The following SLC9A9 variants were observed in gnomAD, a reference collection of about 807,000 sequenced individuals.
The protein encoded by SLC9A9 is sodium/hydrogen exchanger 9.
In SLC9A9, 62 loss-of-function variants were observed where a neutral mutation model predicts 77.8. The observed-to-expected ratio is 0.80, with a 90% CI of 0.65 to 0.98. The LOEUF (loss-of-function observed/expected upper bound fraction) is 0.98, where lower values mean the gene tolerates loss of function less well. SLC9A9 is among the 50% of genes least tolerant of loss of function. The pLI is 0.00. For synonymous variants in SLC9A9, 320 were observed against 283.5 expected (o/e 1.13, Z -1.29); for missense variants, 775 against 774.9 (o/e 1.00, Z 0.00).
At chr3:143,462,188 G>C (rs2035205437) in intron 12 of SLC9A9, among the ~76,000 whole-genome samples, 1 of 152,132 alleles carries the variant, frequency 6.6e-6, no homozygotes, top group South Asian at 2.1e-4. Flanking sequence ...GCAATGTAAT[G>C]AGACCTCATC....
intron 11 of SLC9A9, among the ~76,000 whole-genome samples, chr3:143,481,574 AAGAG>A (rs879531699): frequency 2.0e-5 from 3 of 152,236 alleles, no homozygotes; most frequent in Non-Finnish European, 2.9e-5. Context: ...AAATGTATTG[AAGAG>A]AGAGGTTCAG....
intron 12 of SLC9A9, among the ~76,000 whole-genome samples, chr3:143,460,198 C>T (rs907511724): frequency 6.6e-6 from 1 of 152,118 alleles, no homozygotes. Context: ...GAAAACTCAC[C>T]ACCAGTTCAA....
At chr3:143,425,402 T>G (rs1219033878) in intron 12 of SLC9A9, among the ~76,000 whole-genome samples, 1 of 151,964 alleles carries the variant, frequency 6.6e-6, no homozygotes, top group African/African-American at 2.4e-5. Flanking sequence ...AATATATATG[T>G]ATGGTTTATT....
chr3:143,450,486 G>A (rs1456291315), intron 12 of SLC9A9, among the ~76,000 whole-genome samples: 1 of 151,776 alleles, frequency 6.6e-6, no homozygotes, highest in Non-Finnish European at 1.5e-5. Flanking sequence ...ATCTCTGTGT[G>A]AAAGGACTTC....
intron 5 of SLC9A9, among the ~76,000 whole-genome samples, chr3:143,686,121 A>T (rs1933255798): frequency 6.6e-6 from 1 of 152,144 alleles, no homozygotes; most frequent in Non-Finnish European, 1.5e-5. Context: ...TGGGATACTC[A>T]ACTACTTCAC....
chr3:143,436,185 G>A (rs2034618826), intron 12 of SLC9A9, among the ~76,000 whole-genome samples: 1 of 152,112 alleles, frequency 6.6e-6, no homozygotes, highest in African/African-American at 2.4e-5. Flanking sequence ...AAGTGGGCTT[G>A]AACCTCCACG....
At chr3:143,722,472 CAAAAAAA>C (rs60995925) in intron 4 of SLC9A9, among the ~76,000 whole-genome samples, 3 of 58,342 alleles carry the variant, frequency 5.1e-5, no homozygotes, top group East Asian at 8.2e-4. Context: ...GACTCCATCT[CAAAAAAA>C]AAAAAAAAAA....
At chr3:143,798,289 T>A (rs1250779392) in intron 2 of SLC9A9, among the ~76,000 whole-genome samples, 1 of 152,166 alleles carries the variant, frequency 6.6e-6, no homozygotes, top group Non-Finnish European at 1.5e-5. Context: ...AAGACAGTCT[T>A]CCCTTGGTGT....
intron 12 of SLC9A9, among the ~76,000 whole-genome samples, chr3:143,393,409 A>T (rs1263765504): frequency 6.6e-6 from 1 of 152,248 alleles, no homozygotes; most frequent in Non-Finnish European, 1.5e-5. Flanking sequence ...CAATGAGAAC[A>T]AAGACACAAC....
At chr3:143,345,453 A>G (rs2032235063) in intron 14 of SLC9A9, among the ~76,000 whole-genome samples, 1 of 152,160 alleles carries the variant, frequency 6.6e-6, no homozygotes, top group South Asian at 2.1e-4. Context: ...ATCAGAGGAG[A>G]ACTGAAAAAT....
intron 1 of SLC9A9, among the ~76,000 whole-genome samples, chr3:143,838,894 G>T (rs2009639052): frequency 6.6e-6 from 1 of 152,146 alleles, no homozygotes; most frequent in African/African-American, 2.4e-5. Flanking sequence ...GATTTTAACT[G>T]CATCTACAAA....
chr3:143,769,287 C>T (rs899406427), intron 4 of SLC9A9, among the ~76,000 whole-genome samples: 11 of 152,038 alleles, frequency 7.2e-5, no homozygotes, highest in Admixed American at 7.2e-4. Context: ...CGCCTGGGAC[C>T]CTGCTCTGGG....
At chr3:143,494,635 T>C (rs1167025246) in intron 10 of SLC9A9, among the ~76,000 whole-genome samples, 1 of 152,238 alleles carries the variant, frequency 6.6e-6, no homozygotes, top group Non-Finnish European at 1.5e-5. Context: ...AGGACAACAG[T>C]TGCTGACTGC....
intron 14 of SLC9A9, among the ~76,000 whole-genome samples, chr3:143,301,949 C>A (rs1559858801): frequency 6.6e-6 from 1 of 152,162 alleles, no homozygotes; most frequent in African/African-American, 2.4e-5. Flanking sequence ...CCTTGCAGAA[C>A]TGCAGAGTGG....
At chr3:143,700,900 G>A (rs1480147585) in intron 4 of SLC9A9, among the ~76,000 whole-genome samples, 1 of 152,224 alleles carries the variant, frequency 6.6e-6, no homozygotes, top group Non-Finnish European at 1.5e-5. Flanking sequence ...TTCCATTGGT[G>A]GTGGCCACAG....
chr3:143,634,569 A>ATATC (rs1213977461), intron 6 of SLC9A9, among the ~76,000 whole-genome samples: 2 of 151,808 alleles, frequency 1.3e-5, no homozygotes, highest in African/African-American at 2.4e-5. Flanking sequence ...TAATTATTTT[A>ATATC]TATCTCTTCT....
chr3:143,534,635 G>A (rs1005072789), intron 9 of SLC9A9, among the ~76,000 whole-genome samples: 3 of 152,118 alleles, frequency 2.0e-5, no homozygotes, highest in Non-Finnish European at 4.4e-5. Context: ...AGTGTCAGAA[G>A]GGCAGAGCTG....
chr3:143,725,381 A>T (rs6440186), intron 4 of SLC9A9, among the ~76,000 whole-genome samples: 1 of 145,102 alleles, frequency 6.9e-6, no homozygotes, highest in African/African-American at 2.5e-5. Context: ...CCATCCCATT[A>T]CTGGGTATAT....
Position 143,832,045 on chromosome 3 carries a change from G to A in SLC9A9, c.352C>T (p.His118Tyr). The change falls in exon 2 of 16, where the codon CAT becomes TAT. Residue 118 changes from histidine (H) to tyrosine (Y), a missense_variant. Transcript: ENST00000316549. ...REISQHNINP[H>Y]QGNAILEKMT... ...TTTTCAAGTATAGCATTTCCTTGATGAGGATTGATGTTGTGCTGACTTATT... is the reference window on the plus strand; with the variant it reads ...TTTTCAAGTATAGCATTTCCTTGATAAGGATTGATGTTGTGCTGACTTATT... The A allele has an allele frequency of 6.2e-7, 1 of 1,612,636 alleles. No homozygotes were observed. The highest frequency in any genetic ancestry group is 8.5e-7 in the Non-Finnish European group (1 of 1,179,252).
Sources: allele counts gnomAD v4.1 joint callset (sites outside exome capture counted in the v4.1 genomes callset), GRCh38; gene constraint gnomAD v4.1.1; transcripts MANE v1.5; gene names NCBI Gene and HGNC (gene_info 2026-07-23, HGNC 2026-07-21).